Variants in SS18 observed in about 807,000 individuals in gnomAD.
SS18 encodes the protein protein SSXT.
SS18 carries 28 observed loss-of-function variants against 72.5 expected under a neutral mutation model. The observed-to-expected ratio is 0.39, with a 90% CI of 0.29 to 0.53. The LOEUF is 0.53. SS18 is among the 20% of genes least tolerant of loss of function. The pLI is 0.76. For synonymous variants in SS18, 172 were observed against 164.2 expected, an observed-to-expected ratio of 1.05 and a Z score of -0.37; for missense variants, 518 against 535.3, an observed-to-expected ratio of 0.97 and a Z score of 0.32.
chr18:26,022,140 T>A (rs1037933772), intron 10 of SS18, among the ~76,000 whole-genome samples: 3 of 152,190 alleles, frequency 2.0e-5, no homozygotes, highest in African/African-American at 7.2e-5. Flanking sequence ...GGGTTTCCTC[T>A]TAACTCTGGT....
rs2053611446 is a variant in SS18, at chr18:26,035,474, T to A, written c.974-347A>T. ...AAGAGCACACACTAGCTACACGAGA[T>A]CAGCAAGCTGTTTCCTAAAGGCACT... On this transcript the variant is annotated intron_variant, in intron 8 of 10. Coordinates refer to ENST00000415083, the MANE Select transcript of SS18 (RefSeq NM_001007559.3). The surrounding 1 kb of genome is among the most constrained non-coding windows in gnomAD (Gnocchi z 4.4). The A allele has an allele frequency of 7.0e-6, 2 of 286,410 alleles. No homozygotes were observed. The highest frequency in any genetic ancestry group is 2.2e-5 in the African/African-American group (1 of 46,178). 17.7% of individuals were successfully genotyped at this position (286,410 alleles called of 1,614,324 possible).
Position 26,060,990 on chromosome 18 carries a change from G to A in SS18, c.232-3248C>T, listed in dbSNP as rs181281894. 1.7e-3 allele frequency among the ~76,000 whole-genome samples: 247 copies of A among 147,850 alleles called. 1 individual carries two copies. Among genetic ancestry groups the A allele is most frequent in the African/African-American group, 5.8e-3 (232 of 39,992 alleles). ...AAAAACAGATTATGGAGTTACTAAA[G>A]ACTTAAAATAACTGTGATTGGTATG... On this transcript the variant is annotated intron_variant, in intron 3 of 10. Coordinates refer to ENST00000415083, the MANE Select transcript of SS18 (RefSeq NM_001007559.3).
At chr18:26,090,240 G>T in intron 1 of SS18, 1 of 520,214 alleles carries the variant, frequency 1.9e-6, no homozygotes, top group African/African-American at 2.0e-5. Context: ...CCCATCCCTA[G>T]AGAAATCAGG....
intron 3 of SS18, among the ~76,000 whole-genome samples, chr18:26,070,012 C>T (rs1054346875): frequency 3.1e-4 from 47 of 151,978 alleles, no homozygotes; most frequent in African/African-American, 1.1e-3. Context: ...TTCCTAGGTG[C>T]GGGGAGGGGA....
chr18:26,037,146 C>T (rs538042114), intron 7 of SS18, among the ~76,000 whole-genome samples: 3 of 152,068 alleles, frequency 2.0e-5, no homozygotes, highest in Admixed American at 2.0e-4. Flanking sequence ...AAGTAATATA[C>T]ACCTATGCAA....
At chr18:26,053,757 C>A (rs529920971) in intron 4 of SS18, among the ~76,000 whole-genome samples, 1 of 152,060 alleles carries the variant, frequency 6.6e-6, no homozygotes, top group Non-Finnish European at 1.5e-5. Context: ...ACTATGAGAC[C>A]GAACTTTCAC....
chr18:26,054,411 C>T (rs1008796806), intron 4 of SS18, among the ~76,000 whole-genome samples: 3 of 151,944 alleles, frequency 2.0e-5, no homozygotes, highest in East Asian at 3.9e-4. Context: ...TGTGTGCATG[C>T]GTATTGACAC....
chr18:26,029,738 A>G (rs2053512209), intron 10 of SS18, among the ~76,000 whole-genome samples: 1 of 152,104 alleles, frequency 6.6e-6, no homozygotes. Context: ...CTACAACTAT[A>G]ATTATGTTAG....
At chr18:26,051,827 A>G (rs2053929180) in intron 5 of SS18, among the ~76,000 whole-genome samples, 2 of 152,214 alleles carry the variant, frequency 1.3e-5, no homozygotes, top group African/African-American at 4.8e-5. Flanking sequence ...TTTTAAAATT[A>G]TATTATTTCA....
intron 5 of SS18, among the ~76,000 whole-genome samples, chr18:26,050,223 T>A: frequency 6.9e-6 from 1 of 145,008 alleles, no homozygotes; most frequent in African/African-American, 2.6e-5. Context: ...CGACAAAAAG[T>A]GAGACTCCAC....
Position 26,032,529 on chromosome 18 carries a change from G to T in SS18, c.1100C>A (p.Pro367His). 1 of 1,613,174 alleles carries T rather than the reference G, an allele frequency of 6.2e-7. No individual in the cohort carries two copies. Among genetic ancestry groups the T allele is most frequent in the Non-Finnish European group, 8.5e-7 (1 of 1,179,606 alleles). The change falls in exon 10 of 11, where the codon CCT becomes CAT. Residue 367 changes from proline to histidine, a missense_variant. By Grantham distance (77) the Pro-to-His change is moderately conservative (BLOSUM62 -2). Coordinates refer to ENST00000415083, the MANE Select transcript of SS18 (RefSeq NM_001007559.3). ...CTGAGGACCTGGACCACCCTGTGAA[G>T]GACCTGAAAATAATGTACACAACAA... ...GYPGQQQGYGPSQGGPGPQYP... is the reference protein window; with the variant it reads ...GYPGQQQGYGHSQGGPGPQYP...
intron 3 of SS18, among the ~76,000 whole-genome samples, chr18:26,072,881 C>T (rs2054341080): frequency 7.4e-6 from 1 of 135,992 alleles, no homozygotes; most frequent in Non-Finnish European, 1.6e-5. Flanking sequence ...ACATTTTAAA[C>T]ATACATCTCT....
intron 4 of SS18, 122 bp from the exon 5 acceptor site, chr18:26,052,967 G>A: frequency 2.7e-6 from 2 of 730,000 alleles, no homozygotes; most frequent in Middle Eastern, 3.8e-4. Context: ...TTAATCGATA[G>A]CAAAGTAAAT....
rs758138889 is a variant in SS18 at position 26,035,825 on chromosome 18, A to C, written c.973+6T>G. ...TATGTGTATGTGTGTGAAGGTATAT[A>C]GATACCTCCTTCGTAGTAATGTTGT... On this transcript the variant is annotated splice_donor_region_variant and intron_variant, in intron 8 of 10. Coordinates refer to ENST00000415083, the MANE Select transcript of SS18 (RefSeq NM_001007559.3). The surrounding 1 kb of genome is among the most constrained non-coding windows in gnomAD (Gnocchi z 4.4). The C allele has an allele frequency of 5.0e-6, 8 of 1,584,660 alleles. No individual in the cohort carries two copies. In the Admixed American group the frequency reaches 1.2e-4, roughly 24 times the overall value.
At chr18:26,086,805 A>G (rs1224697993) in intron 2 of SS18, among the ~76,000 whole-genome samples, 1 of 152,216 alleles carries the variant, frequency 6.6e-6, no homozygotes, top group African/African-American at 2.4e-5. Flanking sequence ...AATACCCTAT[A>G]TAAATGAAGA....
chr18:26,065,800 C>CATATACATATATATATATATATAT (rs2054202384), intron 3 of SS18, among the ~76,000 whole-genome samples: 1 of 55,578 alleles, frequency 1.8e-5, no homozygotes, highest in Admixed American at 1.7e-4. Flanking sequence ...CCTACAAATC[C>CATATACATATATATATATATATAT]ATATATATAT....
chr18:26,049,522 T>C (rs970642985), intron 5 of SS18, among the ~76,000 whole-genome samples: 8 of 152,148 alleles, frequency 5.3e-5, no homozygotes, highest in Admixed American at 5.2e-4. Flanking sequence ...GTTACTCTTT[T>C]TGTTTTTTTA....
At chr18:26,082,703 G>T (rs890736359) in intron 2 of SS18, among the ~76,000 whole-genome samples, 1 of 152,154 alleles carries the variant, frequency 6.6e-6, no homozygotes, top group African/African-American at 2.4e-5. Context: ...ACTCATGAGT[G>T]TAATATTTGA....
upstream of SS18, chr18:26,090,752 TTCTGCGCAC>T: frequency 1.6e-6 from 1 of 632,566 alleles, no homozygotes; most frequent in Non-Finnish European, 2.7e-6. Flanking sequence ...GATGTCTCGC[TTCTGCGCAC>T]TCTGGGGGAC....
Sources: allele counts gnomAD v4.1 joint callset (sites outside exome capture counted in the v4.1 genomes callset), GRCh38; gene constraint gnomAD v4.1.1; non-coding constraint Gnocchi (gnomAD v3.1); transcripts MANE v1.5; gene names NCBI Gene and HGNC (gene_info 2026-07-23, HGNC 2026-07-21).